NAV1: variants seen among roughly 807,000 people sequenced by gnomAD.
NAV1 encodes neuron navigator 1.
A neutral mutation model predicts 175.2 loss-of-function variants in NAV1; 18 were observed. That is an observed-to-expected ratio of 0.10 (90% confidence interval 0.07 to 0.15). NAV1 has a LOEUF of 0.15. Ranked by LOEUF, NAV1 falls within the 10% of genes least tolerant of loss-of-function variation. The probability of loss-of-function intolerance (pLI) is 1.00; values close to 1 mark genes in which losing one functional copy is unlikely to be tolerated. For missense variants in NAV1, 1,731 were observed against 2,436.6 expected (o/e 0.71, Z 6.10); for synonymous variants, 897 against 978.7 (o/e 0.92, Z 1.56).
chr1:201,743,250 G>T lies in NAV1; in HGVS notation c.1226+24495G>T, dbSNP rs151024513. 7.0e-4 allele frequency among the ~76,000 whole-genome samples: 107 copies of T among 152,306 alleles called. 1 individual carries two copies. The East Asian group carries it at 0.019, about 27-fold the overall frequency. On this transcript the variant is annotated intron_variant, in intron 3 of 29. Transcript: ENST00000367296. Reference sequence around the variant, plus strand: ...ACCAATACCAGTTGAGGCCCCAGGAGTACTAAATGCTGAAGATGCAGAAGT... The same window carrying T: ...ACCAATACCAGTTGAGGCCCCAGGATTACTAAATGCTGAAGATGCAGAAGT...
At chr1:201,682,807 A>G (rs999015056) in intron 1 of NAV1, among the ~76,000 whole-genome samples, 10 of 152,198 alleles carry the variant, frequency 6.6e-5, no homozygotes, top group African/African-American at 2.4e-4. Context: ...GCTGTGCCTC[A>G]GAACCATCGA....
chr1:201,700,635 C>T (rs554013646), intron 1 of NAV1, among the ~76,000 whole-genome samples: 2 of 152,294 alleles, frequency 1.3e-5, no homozygotes, highest in South Asian at 4.1e-4. Context: ...CACATGCACA[C>T]ATATGTTTAT....
At chr1:201,637,238 C>T (rs746733169) in intron 2 of NAV1, among the ~76,000 whole-genome samples, 1 of 152,224 alleles carries the variant, frequency 6.6e-6, no homozygotes, top group Non-Finnish European at 1.5e-5. Flanking sequence ...AACCATCTGT[C>T]CCAGCTGGTT....
intron 2 of NAV1, among the ~76,000 whole-genome samples, chr1:201,608,652 G>T (rs1667760965): frequency 6.6e-6 from 1 of 152,240 alleles, no homozygotes; most frequent in Non-Finnish European, 1.5e-5. Context: ...GTGTCTGGCA[G>T]GATGCTGGGC....
chr1:201,542,665 T>C (rs769543389), intron 1 of NAV1, among the ~76,000 whole-genome samples: 60 of 152,190 alleles, frequency 3.9e-4, no homozygotes, highest in Non-Finnish European at 7.5e-4. Context: ...GACCTGCCTG[T>C]GGATGTGGTT....
In NAV1 at chr1:201,718,440, T is replaced by A; in HGVS notation, c.911T>A (p.Val304Glu). The A allele has an allele frequency of 6.4e-7, 1 of 1,562,696 alleles. No homozygotes were observed. Among genetic ancestry groups the A allele is most frequent in the Non-Finnish European group, 8.7e-7 (1 of 1,148,574 alleles). ...AGCGATGATGCCAACCCACGCAGCG[T>A]GTCCAGCCTCTCCAACCGCTCGTCC... Residue 304 changes from valine to glutamate, a missense_variant, in exon 3 of 30, where the codon GTG (valine) becomes GAG (glutamate). Around this residue, in one of 13 missense-constraint regions of NAV1, gnomAD observed 487 missense variants for 581.3 expected, o/e 0.84. Coordinates refer to ENST00000367296, the Ensembl canonical transcript of NAV1. The surrounding 1 kb of genome is among the most constrained non-coding windows in gnomAD (Gnocchi z 4.8).
intron 3 of NAV1, among the ~76,000 whole-genome samples, chr1:201,757,448 G>A (rs1221752154): frequency 1.3e-5 from 2 of 152,088 alleles, no homozygotes; most frequent in African/African-American, 2.4e-5. Context: ...TTTTAGTAGC[G>A]ATGAGGTCTC....
chr1:201,726,650 A>AAT (rs1558101645), intron 3 of NAV1, among the ~76,000 whole-genome samples: 1 of 140,866 alleles, frequency 7.1e-6, no homozygotes, highest in East Asian at 1.9e-4. Flanking sequence ...CTCCATCTCA[A>AAT]AAAAAAAAAA....
chr1:201,821,175 CTG>C (rs1466983904), exon 30 of NAV1: 1 of 152,648 alleles, frequency 6.6e-6, no homozygotes, highest in Non-Finnish European at 1.5e-5. Context: ...AACCAGAAAA[CTG>C]AAAACATTCC....
intron 3 of NAV1, among the ~76,000 whole-genome samples, chr1:201,779,812 A>T (rs1676202277): frequency 6.6e-6 from 1 of 152,098 alleles, no homozygotes; most frequent in East Asian, 1.9e-4. Flanking sequence ...CATTCAGCAC[A>T]AATTTGGCCC....
chr1:201,545,350 TTTTTC>T (rs1665635015), intron 1 of NAV1, among the ~76,000 whole-genome samples: 1 of 151,988 alleles, frequency 6.6e-6, no homozygotes, highest in Non-Finnish European at 1.5e-5. Flanking sequence ...GATTTAATCT[TTTTTC>T]TTTTCTTTTT....
At chr1:201,608,641 G>C (rs1427286038) in intron 2 of NAV1, among the ~76,000 whole-genome samples, 1 of 152,218 alleles carries the variant, frequency 6.6e-6, no homozygotes, top group Non-Finnish European at 1.5e-5. Flanking sequence ...TCAGCCTCCT[G>C]GTGTCTGGCA....
At chr1:201,564,146 A>AAAGG (rs535582968) in intron 1 of NAV1, among the ~76,000 whole-genome samples, 8 of 144,224 alleles carry the variant, frequency 5.5e-5, no homozygotes, top group African/African-American at 1.4e-4. Context: ...AGGGAGGAAG[A>AAAGG]AAGGAAGGAA....
In NAV1 at chr1:201,782,465, T is replaced by G. The variant is rs774692047; in HGVS notation, c.1953T>G (p.Val651=). 7 of 1,613,996 alleles carry G rather than the reference T, an allele frequency of 4.3e-6. No individual in the cohort carries two copies. In the South Asian group the frequency reaches 7.7e-5, roughly 18 times the overall value. Residue 651 remains valine, a synonymous_variant, in exon 6 of 30, where the codon GTT becomes GTG. Coordinates refer to ENST00000367296, the Ensembl canonical transcript of NAV1. The surrounding 1 kb of genome is among the most constrained non-coding windows in gnomAD (Gnocchi z 5.4). ...ATGGGCGCAAGACTAGCTTAGATGTTTCCAACAGTGCAGAGCCAGGATTCC... is the reference window on the plus strand; with the variant it reads ...ATGGGCGCAAGACTAGCTTAGATGTGTCCAACAGTGCAGAGCCAGGATTCC...
intron 1 of NAV1, among the ~76,000 whole-genome samples, chr1:201,549,106 TCTTTCTTTCTTTC>T (rs775690129): frequency 7.3e-5 from 11 of 149,780 alleles, no homozygotes; most frequent in Non-Finnish European, 1.6e-4. Context: ...TTTCTTTCTT[TCTTTCTTTCTTTC>T]TTTCTTTCTT....
chr1:201,764,669 C>A (rs1028330576), intron 3 of NAV1, among the ~76,000 whole-genome samples: 4 of 152,146 alleles, frequency 2.6e-5, no homozygotes, highest in African/African-American at 9.7e-5. Context: ...GGCAAAAATT[C>A]AATGCCAGAA....
chr1:201,738,237 A>C (rs1023407809), intron 3 of NAV1, among the ~76,000 whole-genome samples: 1 of 152,040 alleles, frequency 6.6e-6, no homozygotes, highest in African/African-American at 2.4e-5. Flanking sequence ...GCTAGGGGGA[A>C]GTCTGAGGGA....
intron 2 of NAV1, among the ~76,000 whole-genome samples, chr1:201,610,480 T>C (rs1191242398): frequency 6.6e-6 from 1 of 152,158 alleles, no homozygotes; most frequent in African/African-American, 2.4e-5. Flanking sequence ...GGTTAGACAC[T>C]TGGAAGAACT....
chr1:201,794,435 C>T, intron 14 of NAV1, 31 bp from the exon 19 acceptor site: 1 of 1,599,560 alleles, frequency 6.3e-7, no homozygotes, highest in East Asian at 2.2e-5. Flanking sequence ...GCCACCGTGC[C>T]CAGCCAACGC....
Sources: allele counts gnomAD v4.1 joint callset (sites outside exome capture counted in the v4.1 genomes callset), GRCh38; gene constraint gnomAD v4.1.1; regional missense constraint gnomAD v4.1.1; non-coding constraint Gnocchi (gnomAD v3.1); transcripts MANE v1.5; gene names NCBI Gene and HGNC (gene_info 2026-07-23, HGNC 2026-07-21).